RPS6KC1: variants seen among roughly 807,000 people sequenced by gnomAD.
The protein encoded by RPS6KC1 is ribosomal protein S6 kinase C1, also known as inactive ribosomal protein S6 kinase delta-1.
A neutral mutation model predicts 103.8 loss-of-function variants in RPS6KC1; 54 were observed. The ratio of observed to expected loss-of-function variants is 0.52; its 90% confidence interval spans 0.42 to 0.65. RPS6KC1 has a LOEUF of 0.65. RPS6KC1 is among the 30% of genes least tolerant of loss of function. RPS6KC1 has a pLI of 0.00. For missense variants in RPS6KC1, 1,151 were observed against 1,253.8 expected (o/e 0.92, Z 1.24); for synonymous variants, 439 against 438.7 (o/e 1.00, Z -0.01).
the RPS6KC1 span, among the ~76,000 whole-genome samples, chr1:213,347,074 G>C: frequency 1.3e-5 from 2 of 152,116 alleles, no homozygotes; most frequent in Non-Finnish European, 2.9e-5. Flanking sequence ...CCTAATATTT[G>C]AGATTTGAGG....
chr1:213,220,146 G>A (rs924211193), intron 8 of RPS6KC1, among the ~76,000 whole-genome samples: 5 of 140,814 alleles, frequency 3.6e-5, no homozygotes, highest in Non-Finnish European at 4.9e-5. Flanking sequence ...GGTTATGTTT[G>A]TATTAATCAG....
At chr1:213,062,653 T>C (rs1373930081) in intron 1 of RPS6KC1, among the ~76,000 whole-genome samples, 1 of 151,504 alleles carries the variant, frequency 6.6e-6, no homozygotes, top group Non-Finnish European at 1.5e-5. Context: ...GCCTCCCGGG[T>C]TCAAGGTATT....
intron 8 of RPS6KC1, among the ~76,000 whole-genome samples, chr1:213,188,972 C>T (rs370919376): frequency 6.6e-6 from 1 of 151,942 alleles, no homozygotes; most frequent in African/African-American, 2.4e-5. Flanking sequence ...CATGACTTTA[C>T]AGTAATCAAG....
chr1:213,842,690 C>T, the RPS6KC1 span, among the ~76,000 whole-genome samples: 2 of 152,000 alleles, frequency 1.3e-5, no homozygotes, highest in South Asian at 2.1e-4. Flanking sequence ...TTTTTCTAGC[C>T]AGATTGAGCA....
chr1:213,084,586 T>C (rs1374297274), intron 3 of RPS6KC1, among the ~76,000 whole-genome samples: 14 of 152,256 alleles, frequency 9.2e-5, no homozygotes, highest in Non-Finnish European at 1.8e-4. Context: ...GATACAATAC[T>C]TTGATATAAT....
the RPS6KC1 span, among the ~76,000 whole-genome samples, chr1:213,695,513 A>G: frequency 8.5e-5 from 13 of 152,350 alleles, no homozygotes; most frequent in Middle Eastern, 3.4e-3. Context: ...GGGTGTCAGG[A>G]GATAGAAGTG....
the RPS6KC1 span, among the ~76,000 whole-genome samples, chr1:213,683,879 C>A: frequency 6.6e-6 from 1 of 152,160 alleles, no homozygotes; most frequent in Non-Finnish European, 1.5e-5. Flanking sequence ...TGGCTCTGCA[C>A]TGGGAAGTCC....
the RPS6KC1 span, among the ~76,000 whole-genome samples, chr1:213,532,044 C>A: frequency 1.3e-5 from 2 of 152,192 alleles, no homozygotes; most frequent in Admixed American, 1.3e-4. Flanking sequence ...CAGGTGTGAA[C>A]AAGTGTACAG....
the RPS6KC1 span, among the ~76,000 whole-genome samples, chr1:213,851,590 G>T: frequency 6.6e-6 from 1 of 152,046 alleles, no homozygotes; most frequent in Non-Finnish European, 1.5e-5. Context: ...ACTTCCACTC[G>T]TCTATGTGCT....
chr1:213,103,505 C>T (rs1322954636), intron 3 of RPS6KC1, among the ~76,000 whole-genome samples: 10 of 152,068 alleles, frequency 6.6e-5, no homozygotes, highest in Non-Finnish European at 1.3e-4. Flanking sequence ...GAATTCAGGT[C>T]CTTTTAGTTA....
chr1:213,706,695 C>T, the RPS6KC1 span, among the ~76,000 whole-genome samples: 1 of 152,248 alleles, frequency 6.6e-6, no homozygotes, highest in African/African-American at 2.4e-5. Context: ...CTATTCCTCC[C>T]CTTGCCCCCC....
the RPS6KC1 span, among the ~76,000 whole-genome samples, chr1:213,499,904 C>T: frequency 6.6e-6 from 1 of 152,122 alleles, no homozygotes; most frequent in African/African-American, 2.4e-5. Flanking sequence ...AAATGGCACA[C>T]AAAAACACAC....
intron 8 of RPS6KC1, among the ~76,000 whole-genome samples, chr1:213,196,570 G>A (rs544490020): frequency 3.9e-5 from 6 of 152,246 alleles, no homozygotes; most frequent in African/African-American, 9.6e-5. Flanking sequence ...CTAATGTCTA[G>A]AAGAGTTTTT....
At chr1:213,112,297 CA>C (rs2083100423) in intron 4 of RPS6KC1, among the ~76,000 whole-genome samples, 1 of 152,052 alleles carries the variant, frequency 6.6e-6, no homozygotes, top group South Asian at 2.1e-4. Flanking sequence ...GTGATTGGAG[CA>C]TACATAAAGC....
chr1:213,593,054 G>A, the RPS6KC1 span, among the ~76,000 whole-genome samples: 1 of 54,072 alleles, frequency 1.8e-5, no homozygotes, highest in Non-Finnish European at 4.5e-5. Context: ...GTGGGGCTGA[G>A]CATTACAAAC....
chr1:213,086,302 C>T (rs546637197), intron 3 of RPS6KC1, among the ~76,000 whole-genome samples: 15 of 152,316 alleles, frequency 9.8e-5, no homozygotes, highest in African/African-American at 3.4e-4. Flanking sequence ...TTACTGCCTG[C>T]GGCTCCTTGC....
At chr1:213,703,477 A>G in the RPS6KC1 span, among the ~76,000 whole-genome samples, 1 of 152,150 alleles carries the variant, frequency 6.6e-6, no homozygotes, top group Admixed American at 6.5e-5. Flanking sequence ...ATTGCTCATT[A>G]ACATCCTTTT....
chr1:213,061,876 C>T (rs1271611313), intron 1 of RPS6KC1, among the ~76,000 whole-genome samples: 1 of 152,108 alleles, frequency 6.6e-6, no homozygotes, highest in Non-Finnish European at 1.5e-5. Flanking sequence ...AGTGTAATTA[C>T]TAGTATTAAT....
At chr1:213,813,214 G>A in the RPS6KC1 span, among the ~76,000 whole-genome samples, 4 of 152,176 alleles carry the variant, frequency 2.6e-5, no homozygotes, top group East Asian at 5.9e-4. Flanking sequence ...TCACGCCACT[G>A]CACTCTAGCC....
Sources: gnomAD v4.1 joint callset for allele counts (sites outside exome capture counted in the v4.1 genomes callset) on GRCh38, gnomAD v4.1.1 for gene constraint, MANE v1.5 for transcripts, NCBI Gene and HGNC (gene_info 2026-07-23, HGNC 2026-07-21) for gene names.